PRKCA: variants seen among roughly 807,000 people sequenced by gnomAD.
The protein encoded by PRKCA is protein kinase C alpha type.
A neutral mutation model predicts 87.0 loss-of-function variants in PRKCA; 27 were observed. The ratio of observed to expected loss-of-function variants is 0.31; its 90% CI spans 0.23 to 0.43. PRKCA has a LOEUF of 0.43. Among genes scored for constraint, PRKCA ranks in the 20% least tolerant of loss-of-function variants. The pLI, the probability that PRKCA is intolerant of heterozygous loss-of-function variation, is 1.00. For synonymous variants in PRKCA, 329 were observed against 311.1 expected, an observed-to-expected ratio of 1.06 and a Z score of -0.61; for missense variants, 518 against 852.3, an observed-to-expected ratio of 0.61 and a Z score of 4.88.
At chr17:66,351,115 C>T (rs368695315) in intron 2 of PRKCA, among the ~76,000 whole-genome samples, 16 of 152,184 alleles carry the variant, frequency 1.1e-4, no homozygotes, top group Admixed American at 8.5e-4. Flanking sequence ...TATTCCCCAT[C>T]GTGTGGTGCT....
At chr17:66,594,772 CA>C (rs1310525258) in intron 3 of PRKCA, among the ~76,000 whole-genome samples, 5 of 152,212 alleles carry the variant, frequency 3.3e-5, no homozygotes, top group Admixed American at 3.3e-4. Context: ...TTCTCTGCTG[CA>C]AAACTGCATA....
chr17:66,536,432 G>A (rs1967785166), intron 3 of PRKCA, among the ~76,000 whole-genome samples: 1 of 152,222 alleles, frequency 6.6e-6, no homozygotes, highest in African/African-American at 2.4e-5. Context: ...GCTTTAGTGA[G>A]GTTACAGCAT....
intron 2 of PRKCA, among the ~76,000 whole-genome samples, chr17:66,399,917 A>C (rs1042087969): frequency 6.6e-6 from 1 of 152,180 alleles, no homozygotes; most frequent in African/African-American, 2.4e-5. Flanking sequence ...GAATATTTGC[A>C]TAATTCTTCC....
At chr17:66,774,256 T>C (rs1598933381) in intron 14 of PRKCA, 189 bp downstream of exon 14, 1 of 1,433,552 alleles carries the variant, frequency 7.0e-7, no homozygotes, top group Admixed American at 2.5e-5. Flanking sequence ...ACAGAAATTA[T>C]CTCTGGTCAT....
intron 13 of PRKCA, among the ~76,000 whole-genome samples, chr17:66,746,447 T>TAAAATAATATTTCGTGTGGAAAATTC (rs1974288280): frequency 6.6e-6 from 1 of 152,170 alleles, no homozygotes; most frequent in Non-Finnish European, 1.5e-5. Flanking sequence ...GTGGAAAGGT[T>TAAAATAATATTTCGTGTGGAAAATTC]AAAATAATAT....
intron 8 of PRKCA, among the ~76,000 whole-genome samples, chr17:66,731,211 T>C (rs534929567): frequency 6.7e-4 from 102 of 151,960 alleles, no homozygotes; most frequent in African/African-American, 2.3e-3. Flanking sequence ...AAATTAGCCA[T>C]GCATGGTGGC....
At chr17:66,729,708 A>G (rs1392727808) in intron 8 of PRKCA, among the ~76,000 whole-genome samples, 2 of 152,058 alleles carry the variant, frequency 1.3e-5, no homozygotes, top group Non-Finnish European at 2.9e-5. Flanking sequence ...GTCTCTGGTC[A>G]AATGGGGGCA....
chr17:66,570,078 A>T (rs1325879401), intron 3 of PRKCA, among the ~76,000 whole-genome samples: 2 of 152,216 alleles, frequency 1.3e-5, no homozygotes, highest in African/African-American at 2.4e-5. Flanking sequence ...AAAACCTGTT[A>T]TGTGCAACAA....
intron 2 of PRKCA, among the ~76,000 whole-genome samples, chr17:66,337,545 A>C (rs1246701443): frequency 6.7e-6 from 1 of 149,106 alleles, no homozygotes. Context: ...GGTTGCCACC[A>C]TGGCCAGCTA....
At chr17:66,427,125 G>A (rs147686134) in intron 2 of PRKCA, among the ~76,000 whole-genome samples, 80 of 152,118 alleles carry the variant, frequency 5.3e-4, no homozygotes, top group African/African-American at 1.6e-3. Context: ...TCCACCTCCC[G>A]GGCTCAAGTG....
chr17:66,735,002 A>T (rs1289139340), intron 9 of PRKCA, among the ~76,000 whole-genome samples: 1 of 152,218 alleles, frequency 6.6e-6, no homozygotes, highest in Admixed American at 6.5e-5. Flanking sequence ...TAGTAAGCAA[A>T]TACAATCATT....
At chr17:66,796,922 C>T in intron 16 of PRKCA, 3 of 985,430 alleles carry the variant, frequency 3.0e-6, no homozygotes, top group Non-Finnish European at 3.6e-6. Context: ...TTTCCTTTCT[C>T]CATAGTCTTG....
At chr17:66,527,129 T>TA (rs1022820308) in intron 3 of PRKCA, among the ~76,000 whole-genome samples, 32 of 152,274 alleles carry the variant, frequency 2.1e-4, no homozygotes, top group Non-Finnish European at 4.3e-4. Context: ...TCTTTGCAGG[T>TA]AAAGTTAGCT....
At chr17:66,578,145 C>A (rs73996409) in intron 3 of PRKCA, among the ~76,000 whole-genome samples, 69,126 of 136,394 alleles carry the variant, frequency 0.51, 17,724 homozygotes, top group African/African-American at 0.68. Context: ...TAAAACAAAA[C>A]AAAACAAAAC....
At chr17:66,455,963 G>A (rs909843733) in intron 2 of PRKCA, among the ~76,000 whole-genome samples, 1 of 152,070 alleles carries the variant, frequency 6.6e-6, no homozygotes, top group Non-Finnish European at 1.5e-5. Flanking sequence ...AAATAGTTAA[G>A]GTGGTGGTAG....
chr17:66,484,746 C>G (rs12451439), intron 2 of PRKCA, among the ~76,000 whole-genome samples: 6,532 of 152,264 alleles, frequency 0.043, 211 homozygotes, highest in Admixed American at 0.11. Context: ...TAATTGTCAA[C>G]TATTACCAAT....
At chr17:66,631,060 C>T (rs574903055) in intron 3 of PRKCA, among the ~76,000 whole-genome samples, 2 of 152,260 alleles carry the variant, frequency 1.3e-5, no homozygotes, top group Admixed American at 1.3e-4. Context: ...AGTACTCTGC[C>T]ATTTCTTTTT....
rs190018185 is a variant in PRKCA, at chr17:66,550,306, G to C, written c.288+54023G>C. 1.5e-3 allele frequency among the ~76,000 whole-genome samples: 235 copies of C among 152,002 alleles called. 3 individuals carry two copies. In the South Asian group the frequency reaches 0.019, roughly 12 times the overall value. On this transcript the variant is annotated intron_variant, in intron 3 of 16. Transcript: ENST00000413366. ...CTTGGGGAAAACGTGCCAAGTTTCT[G>C]CACAGACTGTCCCTTGTCTCTTGAC...
chr17:66,397,420 G>A (rs1219145731), intron 2 of PRKCA, among the ~76,000 whole-genome samples: 1 of 151,772 alleles, frequency 6.6e-6, no homozygotes, highest in Non-Finnish European at 1.5e-5. Flanking sequence ...ATAATTTTAA[G>A]GGAATTTATT....
Sources: gnomAD v4.1 joint callset for allele counts (sites outside exome capture counted in the v4.1 genomes callset) on GRCh38, gnomAD v4.1.1 for gene constraint, MANE v1.5 for transcripts, NCBI Gene and HGNC (gene_info 2026-07-23, HGNC 2026-07-21) for gene names.